The following STON2 variants were observed in gnomAD, a reference collection of about 807,000 sequenced individuals.
The protein encoded by STON2 is stonin 2.
STON2 carries 29 observed loss-of-function variants against 65.7 expected under a neutral mutation model. That is an observed-to-expected ratio of 0.44 (90% CI 0.33 to 0.60). The LOEUF is 0.60. STON2 is among the 20% of genes least tolerant of loss of function. STON2 has a pLI of 0.03. For missense variants in STON2, 1,054 were observed against 1,118.1 expected (o/e 0.94, Z 0.82); for synonymous variants, 404 against 414.2 (o/e 0.98, Z 0.30).
At chr14:81,419,873 G>A (rs918785911) in intron 2 of STON2, among the ~76,000 whole-genome samples, 2 of 152,100 alleles carry the variant, frequency 1.3e-5, no homozygotes, top group African/African-American at 4.8e-5. Context: ...AGACGGAGTG[G>A]GCCTAAACTG....
chr14:81,318,069 G>C (rs111514184), intron 5 of STON2, among the ~76,000 whole-genome samples: 3 of 152,052 alleles, frequency 2.0e-5, no homozygotes, highest in Non-Finnish European at 2.9e-5. Context: ...GGGTTCAAGC[G>C]AGTCTCCTGC....
At chr14:81,418,968 G>C (rs1226318892) in intron 2 of STON2, among the ~76,000 whole-genome samples, 1 of 151,760 alleles carries the variant, frequency 6.6e-6, no homozygotes, top group Non-Finnish European at 1.5e-5. Context: ...CTGGGTCTGA[G>C]ATTTTGATTC....
chr14:81,344,233 A>C (rs1424783477), intron 4 of STON2, among the ~76,000 whole-genome samples: 1 of 152,110 alleles, frequency 6.6e-6, no homozygotes, highest in Admixed American at 6.5e-5. Context: ...ATTTTTTCTG[A>C]TTTTTAGATT....
At chr14:81,366,846 C>A (rs1898757268) in intron 4 of STON2, among the ~76,000 whole-genome samples, 1 of 151,760 alleles carries the variant, frequency 6.6e-6, no homozygotes, top group Non-Finnish European at 1.5e-5. Flanking sequence ...TTTTTTATTC[C>A]TACAGCACTT....
intron 4 of STON2, among the ~76,000 whole-genome samples, chr14:81,351,272 C>A (rs771020191): frequency 1.5e-4 from 22 of 150,312 alleles, no homozygotes; most frequent in Non-Finnish European, 2.9e-4. Flanking sequence ...TCATTGGACA[C>A]CTCCCTAATT....
intron 5 of STON2, among the ~76,000 whole-genome samples, chr14:81,301,381 A>G (rs1188630427): frequency 6.6e-6 from 1 of 152,234 alleles, no homozygotes; most frequent in Admixed American, 6.5e-5. Context: ...AGACTTTGTC[A>G]CTACCTTTAA....
chr14:81,379,113 A>G (rs1899392342), intron 3 of STON2, among the ~76,000 whole-genome samples: 1 of 152,354 alleles, frequency 6.6e-6, no homozygotes, highest in South Asian at 2.1e-4. Flanking sequence ...ATTTTTGTAT[A>G]TGTAAAATAA....
intron 4 of STON2, among the ~76,000 whole-genome samples, chr14:81,342,023 G>A (rs536927670): frequency 6.6e-6 from 1 of 152,274 alleles, no homozygotes; most frequent in East Asian, 1.9e-4. Flanking sequence ...TCAGATGCTG[G>A]CTCACATAAT....
intron 4 of STON2, among the ~76,000 whole-genome samples, chr14:81,357,880 A>G (rs1314327185): frequency 2.5e-5 from 3 of 119,884 alleles, no homozygotes; most frequent in East Asian, 2.6e-4. Flanking sequence ...ACACTCTGGG[A>G]ACTGTTGTGG....
At chr14:81,305,512 G>T (rs534233124) in intron 5 of STON2, among the ~76,000 whole-genome samples, 1 of 152,246 alleles carries the variant, frequency 6.6e-6, no homozygotes, top group Admixed American at 6.5e-5. Context: ...AGCCTCCTTT[G>T]TGAAGTACCT....
Position 81,265,677 on chromosome 14 carries a change from C to T in STON2, c.*2737G>A, listed in dbSNP as rs977078370. Reference sequence around the variant, plus strand: ...AATAATAATAATAATAATAATAATACTCTGTCTCAATAATAATAATAATAA... The same window carrying T: ...AATAATAATAATAATAATAATAATATTCTGTCTCAATAATAATAATAATAA... On this transcript the variant is annotated 3_prime_UTR_variant, in exon 8 of 8. Transcript: ENST00000614646. The T allele has an allele frequency of 2.0e-5, 5 of 252,056 alleles. No individual in the cohort carries two copies. Among genetic ancestry groups the T allele is most frequent in the Admixed American group, 1.3e-4 (1 of 7,530 alleles). 15.6% of individuals were successfully genotyped at this position (252,056 alleles called of 1,614,324 possible).
chr14:81,299,171 C>T (rs1895877341), intron 5 of STON2, among the ~76,000 whole-genome samples: 1 of 152,186 alleles, frequency 6.6e-6, no homozygotes, highest in South Asian at 2.1e-4. Flanking sequence ...CTGGGCTTGT[C>T]TTAGGCAACT....
At chr14:81,427,543 T>C (rs1333120859) in intron 1 of STON2, 1 of 152,050 alleles carries the variant, frequency 6.6e-6, no homozygotes, top group Non-Finnish European at 1.5e-5. Context: ...CTGAGTATGA[T>C]GGATGGCACA....
chr14:81,365,828 A>G (rs1239595358), intron 4 of STON2, among the ~76,000 whole-genome samples: 2 of 152,166 alleles, frequency 1.3e-5, no homozygotes, highest in Admixed American at 1.3e-4. Context: ...CTTGTGTGCA[A>G]GCATTTACAT....
intron 4 of STON2, among the ~76,000 whole-genome samples, chr14:81,349,648 C>A (rs1897949115): frequency 6.6e-6 from 1 of 152,034 alleles, no homozygotes; most frequent in African/African-American, 2.4e-5. Flanking sequence ...TTAGTACAGC[C>A]ATTATAGAAA....
At chr14:81,315,806 T>C (rs61978912) in intron 5 of STON2, among the ~76,000 whole-genome samples, 14,156 of 152,264 alleles carry the variant, frequency 0.093, 744 homozygotes, top group Non-Finnish European at 0.1. Flanking sequence ...GCCCTTGGCA[T>C]TGAGCAAGAA....
intron 3 of STON2, among the ~76,000 whole-genome samples, chr14:81,384,158 C>T (rs1295555186): frequency 6.6e-6 from 1 of 152,174 alleles, no homozygotes; most frequent in Non-Finnish European, 1.5e-5. Flanking sequence ...TTCACATCCC[C>T]CTCACCATAG....
Position 81,267,378 on chromosome 14 carries a change from C to T in STON2, c.*1036G>A, listed in dbSNP as rs575986831. 1.7e-5 allele frequency: 17 copies of T among 985,316 alleles called. No homozygotes were observed. The highest frequency in any genetic ancestry group is 1.9e-5 in the Non-Finnish European group (16 of 829,916). The allele number at this position is 985,316 out of a possible 1,614,324, so 61.0% of individuals were successfully genotyped here. ...TCAAACTCTGAATTTTGGGGGAAAG[C>T]TCATTCAAGCTTAATTTTAAAACAG... is the stretch of plus-strand genomic sequence containing the variant. On this transcript the variant is annotated 3_prime_UTR_variant, in exon 8 of 8. Coordinates refer to ENST00000614646, the MANE Select transcript of STON2 (RefSeq NM_001394390.1).
chr14:81,317,664 C>T (rs181991752), intron 5 of STON2, among the ~76,000 whole-genome samples: 12 of 152,274 alleles, frequency 7.9e-5, no homozygotes, highest in East Asian at 5.8e-4. Flanking sequence ...ATGTTGGGCT[C>T]GGCTATGGGA....
Sources: allele counts gnomAD v4.1 joint callset (sites outside exome capture counted in the v4.1 genomes callset), GRCh38; gene constraint gnomAD v4.1.1; transcripts MANE v1.5; gene names NCBI Gene and HGNC (gene_info 2026-07-23, HGNC 2026-07-21).